The following CSMD3 variants were observed in gnomAD, a reference collection of about 807,000 sequenced individuals.
The protein encoded by CSMD3 is CUB and Sushi multiple domains 3.
Under a neutral mutation model 435.2 loss-of-function variants are expected in CSMD3, and 177 were observed. The observed-to-expected ratio is 0.41, with a 90% CI of 0.36 to 0.46. The LOEUF is 0.46. Ranked by LOEUF, CSMD3 falls within the 20% of genes least tolerant of loss-of-function variation. The pLI is 0.34. For synonymous variants in CSMD3, 1,656 were observed against 1,520.5 expected, an observed-to-expected ratio of 1.09 and a Z score of -2.07; for missense variants, 4,265 against 4,504.6, an observed-to-expected ratio of 0.95 and a Z score of 1.52.
chr8:112,526,098 T>G (rs1824929839), intron 27 of CSMD3, among the ~76,000 whole-genome samples: 1 of 151,394 alleles, frequency 6.6e-6, no homozygotes, highest in South Asian at 2.1e-4. Context: ...TGTTTCAATT[T>G]CAGTTATTGT....
At chr8:112,886,460 C>A (rs1229220435) in intron 10 of CSMD3, among the ~76,000 whole-genome samples, 1 of 150,868 alleles carries the variant, frequency 6.6e-6, no homozygotes, top group East Asian at 2.0e-4. Context: ...TCGTAGAATT[C>A]TTTACTTTCA....
chr8:112,631,773 C>G (rs1427605182), intron 22 of CSMD3, among the ~76,000 whole-genome samples: 2 of 151,872 alleles, frequency 1.3e-5, no homozygotes, highest in Non-Finnish European at 2.9e-5. Flanking sequence ...CTTTATATTA[C>G]TCACTAGAGC....
chr8:112,250,041 T>C (rs1815129148), intron 63 of CSMD3, among the ~76,000 whole-genome samples: 1 of 152,122 alleles, frequency 6.6e-6, no homozygotes, highest in African/African-American at 2.4e-5. Context: ...TTAGAATATT[T>C]AACGTCTATC....
intron 1 of CSMD3, among the ~76,000 whole-genome samples, chr8:113,400,791 CA>C: frequency 1.3e-5 from 2 of 151,856 alleles, no homozygotes; most frequent in Non-Finnish European, 2.9e-5. Context: ...ATTACAGGCT[CA>C]AAATGGTTAA....
chr8:113,176,535 G>T (rs929142574), intron 3 of CSMD3, among the ~76,000 whole-genome samples: 6 of 152,074 alleles, frequency 3.9e-5, no homozygotes, highest in African/African-American at 1.4e-4. Context: ...AAACTAAGTA[G>T]TGCTGCATAT....
chr8:113,028,928 G>A (rs966298237), intron 5 of CSMD3, among the ~76,000 whole-genome samples: 4 of 151,616 alleles, frequency 2.6e-5, no homozygotes, highest in African/African-American at 9.7e-5. Context: ...CTAAATGACA[G>A]ATTTTCAATG....
intron 13 of CSMD3, among the ~76,000 whole-genome samples, chr8:112,766,175 AT>A (rs968198716): frequency 1.3e-5 from 2 of 151,784 alleles, no homozygotes; most frequent in Non-Finnish European, 2.9e-5. Context: ...ATATAATCAC[AT>A]ACATTAAACA....
chr8:112,298,984 A>G (rs925099037), intron 53 of CSMD3, among the ~76,000 whole-genome samples: 8 of 152,148 alleles, frequency 5.3e-5, no homozygotes, highest in African/African-American at 1.7e-4. Flanking sequence ...CAAAAAGAGA[A>G]TGGCTGAAAT....
intron 36 of CSMD3, among the ~76,000 whole-genome samples, chr8:112,387,300 T>C (rs1229538396): frequency 6.6e-6 from 1 of 152,208 alleles, no homozygotes; most frequent in African/African-American, 2.4e-5. Context: ...AGAATGATTA[T>C]CCCACTTTAT....
chr8:112,941,585 C>A (rs979956662), intron 9 of CSMD3, among the ~76,000 whole-genome samples: 1 of 151,250 alleles, frequency 6.6e-6, no homozygotes, highest in Non-Finnish European at 1.5e-5. Context: ...CTCTTTTATC[C>A]CTAAAGTTTT....
intron 12 of CSMD3, among the ~76,000 whole-genome samples, chr8:112,800,856 C>T (rs898926567): frequency 5.9e-5 from 9 of 152,012 alleles, no homozygotes; most frequent in Admixed American, 1.3e-4. Context: ...ATAACTGTAT[C>T]CATTCATTAC....
chr8:113,435,085 A>G (rs1318885268), intron 1 of CSMD3, among the ~76,000 whole-genome samples: 1 of 152,034 alleles, frequency 6.6e-6, no homozygotes. Flanking sequence ...GTGGCAGGCG[A>G]ACTAAGCATA....
At chr8:113,266,486 TA>T (rs1489966605) in intron 3 of CSMD3, among the ~76,000 whole-genome samples, 1 of 151,542 alleles carries the variant, frequency 6.6e-6, no homozygotes, top group Non-Finnish European at 1.5e-5. Context: ...ATTAAATTTC[TA>T]AAATGTATAC....
chr8:112,506,692 T>C lies in CSMD3; in HGVS notation c.4894A>G (p.Ser1632Gly), dbSNP rs2130930375. The C allele has an allele frequency of 2.5e-6, 4 of 1,613,526 alleles. No individual in the cohort carries two copies. Among genetic ancestry groups the C allele is most frequent in the Non-Finnish European group, 3.4e-6 (4 of 1,179,500 alleles). The part of the protein sequence containing the change: ...ADYVISLAFI[S>G]FSIEPNYDFL... The stretch of plus-strand genomic sequence containing the variant: ...GGAAATAAATATATAAGAACTCACC[T>C]GATGAACGCCAAGGAGATAACATAG... The change falls in exon 29 of 71, where the codon AGT (serine) becomes GGT (glycine). Residue 1632 changes from serine to glycine, a missense_variant and splice_region_variant. Ser to Gly is a moderately conservative substitution (Grantham distance 56). Coordinates refer to ENST00000297405, the MANE Select transcript of CSMD3 (RefSeq NM_198123.2).
chr8:113,396,772 TAAAAC>T (rs1216150639), intron 1 of CSMD3, among the ~76,000 whole-genome samples: 1 of 152,154 alleles, frequency 6.6e-6, no homozygotes, highest in Non-Finnish European at 1.5e-5. Flanking sequence ...GTCTAACACA[TAAAAC>T]ATAAGTTCCA....
intron 22 of CSMD3, among the ~76,000 whole-genome samples, chr8:112,596,251 G>C (rs1439453337): frequency 2.0e-5 from 3 of 151,930 alleles, no homozygotes; most frequent in Admixed American, 1.3e-4. Flanking sequence ...AACCAACAAA[G>C]ATCAAAAGAG....
chr8:113,021,292 G>A (rs1414394148), intron 5 of CSMD3, among the ~76,000 whole-genome samples: 2 of 152,058 alleles, frequency 1.3e-5, no homozygotes, highest in East Asian at 1.9e-4. Flanking sequence ...AAAATATACA[G>A]GTTATGTTTA....
intron 48 of CSMD3, 40 bp from the exon 49 acceptor site, chr8:112,314,092 A>G (rs768516867): frequency 2.0e-6 from 3 of 1,463,822 alleles, no homozygotes; most frequent in Non-Finnish European, 2.9e-6. Flanking sequence ...AAAGCTAATT[A>G]TATTCTCATT....
intron 12 of CSMD3, among the ~76,000 whole-genome samples, chr8:112,800,524 TAGACC>T (rs1270726509): frequency 1.2e-4 from 18 of 152,028 alleles, no homozygotes; most frequent in Non-Finnish European, 2.6e-4. Flanking sequence ...CATGATATTT[TAGACC>T]ATCAAAAACT....
Sources: gnomAD v4.1 joint callset for allele counts (sites outside exome capture counted in the v4.1 genomes callset) on GRCh38, gnomAD v4.1.1 for gene constraint, MANE v1.5 for transcripts, NCBI Gene and HGNC (gene_info 2026-07-23, HGNC 2026-07-21) for gene names.